Variants in PHLPP1 observed in about 807,000 individuals in gnomAD.
PHLPP1 encodes the protein PH domain leucine-rich repeat-containing protein phosphatase 1.
In PHLPP1, 42 loss-of-function variants were observed where a neutral mutation model predicts 117.2. That is an observed-to-expected ratio of 0.36 (90% CI 0.28 to 0.46). The LOEUF is 0.46. Ranked by LOEUF, PHLPP1 falls within the 20% of genes least tolerant of loss-of-function variation. The pLI is 1.00. For missense variants in PHLPP1, 2,084 were observed against 2,241.9 expected (o/e 0.93, Z 1.42); for synonymous variants, 1,042 against 970.7 (o/e 1.07, Z -1.37).
intron 3 of PHLPP1, among the ~76,000 whole-genome samples, chr18:62,844,642 TAGA>T (rs2033623647): frequency 6.6e-6 from 1 of 152,196 alleles, no homozygotes; most frequent in South Asian, 2.1e-4. Context: ...TGTATAACTC[TAGA>T]AGATGAGGAC....
intron 6 of PHLPP1, among the ~76,000 whole-genome samples, chr18:62,897,089 A>G (rs1599108752): frequency 6.6e-6 from 1 of 152,324 alleles, no homozygotes; most frequent in Non-Finnish European, 1.5e-5. Context: ...ATATTCCAGA[A>G]TTTGAGCCCT....
At chr18:62,814,330 T>A (rs1421442732) in intron 1 of PHLPP1, among the ~76,000 whole-genome samples, 1 of 152,206 alleles carries the variant, frequency 6.6e-6, no homozygotes. Context: ...GTTTCAAAGC[T>A]CCTGCCAGCA....
At chr18:62,779,858 G>T (rs2144277198) in intron 1 of PHLPP1, among the ~76,000 whole-genome samples, 1 of 152,030 alleles carries the variant, frequency 6.6e-6, no homozygotes, top group African/African-American at 2.4e-5. Context: ...TGTTTTTTTT[G>T]AGTTAAAGCT....
At chr18:62,778,616 C>T (rs998397270) in intron 1 of PHLPP1, among the ~76,000 whole-genome samples, 3 of 152,128 alleles carry the variant, frequency 2.0e-5, no homozygotes, top group Admixed American at 6.5e-5. Context: ...TGTAAGATTA[C>T]ATATTTTTAG....
intron 3 of PHLPP1, among the ~76,000 whole-genome samples, chr18:62,850,291 G>C (rs891180203): frequency 4.0e-5 from 6 of 150,538 alleles, no homozygotes; most frequent in African/African-American, 1.5e-4. Context: ...AGGAGGCTGA[G>C]GCAGGAGAAT....
At chr18:62,720,122 A>G (rs938574390) in intron 1 of PHLPP1, among the ~76,000 whole-genome samples, 5 of 152,196 alleles carry the variant, frequency 3.3e-5, no homozygotes, top group African/African-American at 4.8e-5. Context: ...AGTATTTAAT[A>G]TCCTTTTAAA....
chr18:62,889,998 G>T (rs1466955593), intron 4 of PHLPP1, among the ~76,000 whole-genome samples: 1 of 152,112 alleles, frequency 6.6e-6, no homozygotes, highest in African/African-American at 2.4e-5. Context: ...ACTGGACCTT[G>T]CAGCTCTTGG....
At chr18:62,955,199 T>C (rs190684680) in intron 12 of PHLPP1, among the ~76,000 whole-genome samples, 1 of 152,044 alleles carries the variant, frequency 6.6e-6, no homozygotes, top group African/African-American at 2.4e-5. Context: ...CACAGACAGA[T>C]GAAAGCATGT....
chr18:62,766,076 A>AAAATATAT, intron 1 of PHLPP1, among the ~76,000 whole-genome samples: 4 of 21,654 alleles, frequency 1.8e-4, no homozygotes, highest in Non-Finnish European at 3.4e-4. Flanking sequence ...AAAAAAAAAA[A>AAAATATAT]ATATATATAT....
intron 6 of PHLPP1, among the ~76,000 whole-genome samples, chr18:62,896,349 T>G (rs1916564071): frequency 6.7e-6 from 1 of 150,338 alleles, no homozygotes; most frequent in African/African-American, 2.4e-5. Context: ...TGGAGTGCGG[T>G]GGCCTGATCT....
At chr18:62,827,471 G>A (rs1914641152) in intron 1 of PHLPP1, among the ~76,000 whole-genome samples, 2 of 152,292 alleles carry the variant, frequency 1.3e-5, no homozygotes, top group Middle Eastern at 3.4e-3. Context: ...TGTTAAAAAG[G>A]AGGGTGCACC....
At chr18:62,740,460 T>C (rs565637533) in intron 1 of PHLPP1, among the ~76,000 whole-genome samples, 3 of 152,288 alleles carry the variant, frequency 2.0e-5, no homozygotes, top group African/African-American at 7.2e-5. Context: ...ACATGGTAAA[T>C]TTTAAGTTCA....
chr18:62,914,726 T>C (rs1245665343), intron 8 of PHLPP1, among the ~76,000 whole-genome samples, 187 bp from the exon 9 acceptor site: 3 of 152,244 alleles, frequency 2.0e-5, no homozygotes, highest in African/African-American at 7.2e-5. Flanking sequence ...TACTTTTTCT[T>C]TATTTCTTCT....
At chr18:62,763,549 T>G (rs2144252531) in intron 1 of PHLPP1, among the ~76,000 whole-genome samples, 1 of 152,296 alleles carries the variant, frequency 6.6e-6, no homozygotes, top group Non-Finnish European at 1.5e-5. Context: ...ACCCTTGTTT[T>G]GGGATGGAAG....
At chr18:62,748,979 A>G (rs936089776) in intron 1 of PHLPP1, among the ~76,000 whole-genome samples, 3 of 152,180 alleles carry the variant, frequency 2.0e-5, no homozygotes, top group Admixed American at 6.5e-5. Context: ...TTTAACTTCA[A>G]AATGTCACAT....
intron 9 of PHLPP1, among the ~76,000 whole-genome samples, chr18:62,915,997 A>G (rs1377749826): frequency 6.6e-6 from 1 of 152,240 alleles, no homozygotes; most frequent in Non-Finnish European, 1.5e-5. Flanking sequence ...AAAATATTAT[A>G]GAAGTATGTC....
Position 62,799,050 on chromosome 18 carries a change from C to A in PHLPP1, c.1577-30985C>A, listed in dbSNP as rs930025505. Reference sequence around the variant, plus strand: ...AAATTGACTTATTTGAATTTCCCATCCTTCCTCTGGCTTTGAAATATTCTC... The same window carrying A: ...AAATTGACTTATTTGAATTTCCCATACTTCCTCTGGCTTTGAAATATTCTC... On this transcript the variant is annotated intron_variant, in intron 1 of 16. Transcript: ENST00000262719. 6.6e-5 allele frequency among the ~76,000 whole-genome samples: 10 copies of A among 152,282 alleles called. No individual in the cohort carries two copies. In the South Asian group the frequency reaches 2.1e-3, roughly 32 times the overall value.
intron 10 of PHLPP1, among the ~76,000 whole-genome samples, chr18:62,923,503 G>A (rs936224939): frequency 2.0e-5 from 3 of 152,150 alleles, no homozygotes; most frequent in Non-Finnish European, 4.4e-5. Flanking sequence ...ACAGGATTAT[G>A]TGAAGGGGGT....
At chr18:62,962,066 G>T (rs573861210) in intron 13 of PHLPP1, among the ~76,000 whole-genome samples, 6 of 152,272 alleles carry the variant, frequency 3.9e-5, no homozygotes, top group African/African-American at 1.4e-4. Context: ...AACTATGTAG[G>T]TGTTGCTTCA....
Sources: gnomAD v4.1 joint callset for allele counts (sites outside exome capture counted in the v4.1 genomes callset) on GRCh38, gnomAD v4.1.1 for gene constraint, MANE v1.5 for transcripts, NCBI Gene and HGNC (gene_info 2026-07-23, HGNC 2026-07-21) for gene names.